The following CDYL2 variants were observed in gnomAD, a reference collection of about 807,000 sequenced individuals.
The protein encoded by CDYL2 is chromodomain Y-like protein 2.
In CDYL2, 23 loss-of-function variants were observed where a neutral mutation model predicts 49.4. The ratio of observed to expected loss-of-function variants is 0.47; its 90% CI spans 0.34 to 0.66. The LOEUF (loss-of-function observed/expected upper bound fraction) is 0.66, where lower values mean the gene tolerates loss of function less well. Ranked by LOEUF, CDYL2 falls within the 30% of genes least tolerant of loss-of-function variation. The pLI is 0.01. For missense variants in CDYL2, 678 were observed against 656.4 expected (o/e 1.03, Z -0.36); for synonymous variants, 360 against 268.8 (o/e 1.34, Z -3.32).
chr16:80,678,392 G>A (rs867407056), intron 2 of CDYL2, among the ~76,000 whole-genome samples: 2,988 of 152,074 alleles, frequency 0.02, 87 homozygotes, highest in African/African-American at 0.065. Context: ...CAGAATCTAC[G>A]ATGAACTCAA....
intron 1 of CDYL2, among the ~76,000 whole-genome samples, chr16:80,762,962 G>A (rs911863729): frequency 4.2e-4 from 64 of 152,142 alleles, no homozygotes; most frequent in Non-Finnish European, 6.8e-4. Flanking sequence ...ATTTAATAAT[G>A]TGTCTTTAAA....
intron 1 of CDYL2, among the ~76,000 whole-genome samples, chr16:80,800,564 C>G (rs550217609): frequency 1.3e-5 from 2 of 151,730 alleles, no homozygotes; most frequent in Non-Finnish European, 2.9e-5. Context: ...AACCACAAAC[C>G]GAAAAGATCC....
intron 1 of CDYL2, among the ~76,000 whole-genome samples, chr16:80,772,680 T>G (rs1416400351): frequency 6.6e-6 from 1 of 152,070 alleles, no homozygotes; most frequent in African/African-American, 2.4e-5. Context: ...CTCAATCTCC[T>G]GACCTCATGA....
chr16:80,645,680 G>T (rs914731289), intron 2 of CDYL2, among the ~76,000 whole-genome samples: 2 of 152,088 alleles, frequency 1.3e-5, no homozygotes, highest in Non-Finnish European at 2.9e-5. Flanking sequence ...AAAGACACAT[G>T]CACACGTATG....
At chr16:80,703,035 C>T (rs557800219) in intron 1 of CDYL2, among the ~76,000 whole-genome samples, 103 of 152,104 alleles carry the variant, frequency 6.8e-4, no homozygotes, top group African/African-American at 2.3e-3. Context: ...AATATATATA[C>T]ACACATGAAT....
At chr16:80,722,684 T>C (rs1905038635) in intron 1 of CDYL2, among the ~76,000 whole-genome samples, 1 of 152,154 alleles carries the variant, frequency 6.6e-6, no homozygotes, top group Non-Finnish European at 1.5e-5. Context: ...ACCAGGCCCT[T>C]TTCAAAACAC....
chr16:80,635,630 C>A (rs927252312), intron 2 of CDYL2, among the ~76,000 whole-genome samples: 2 of 152,080 alleles, frequency 1.3e-5, no homozygotes, highest in African/African-American at 4.8e-5. Context: ...TAAAAATGGC[C>A]CTACTGCTCA....
rs546487136 is a variant in CDYL2, at chr16:80,744,566, C to A, written c.25-59437G>T. On this transcript the variant is annotated intron_variant, in intron 1 of 6. Coordinates refer to ENST00000570137, the MANE Select transcript of CDYL2 (RefSeq NM_152342.4). ...CCATCATTTTATTTAATCCTCCCAA[C>A]AACCTTACAAGAAAATGTCATTGTC... Among the ~76,000 whole-genome samples the A allele has an allele frequency of 1.3e-3, 196 of 152,292 alleles. 4 individuals are homozygous for A. In the South Asian group the frequency reaches 0.018, roughly 14 times the overall value.
chr16:80,680,179 T>C (rs925895131), intron 2 of CDYL2, among the ~76,000 whole-genome samples: 1 of 152,176 alleles, frequency 6.6e-6, no homozygotes. Flanking sequence ...AAATGGCAAA[T>C]GTTGCGTGTG....
intron 2 of CDYL2, among the ~76,000 whole-genome samples, chr16:80,668,283 C>T (rs1045996030): frequency 8.5e-5 from 13 of 152,132 alleles, no homozygotes; most frequent in East Asian, 1.9e-4. Flanking sequence ...AATCTTTACT[C>T]GGATGTCAAC....
At chr16:80,666,839 A>G (rs1909285042) in intron 2 of CDYL2, among the ~76,000 whole-genome samples, 1 of 152,164 alleles carries the variant, frequency 6.6e-6, no homozygotes, top group African/African-American at 2.4e-5. Flanking sequence ...CCTCTCTTTC[A>G]TCTATTCATT....
intron 2 of CDYL2, among the ~76,000 whole-genome samples, chr16:80,651,228 T>G (rs941553485): frequency 6.6e-6 from 1 of 152,186 alleles, no homozygotes; most frequent in African/African-American, 2.4e-5. Flanking sequence ...CATACATTTA[T>G]ATACCTACTA....
At chr16:80,698,208 A>AGTAC (rs1400986231) in intron 1 of CDYL2, among the ~76,000 whole-genome samples, 1 of 152,218 alleles carries the variant, frequency 6.6e-6, no homozygotes, top group Admixed American at 6.5e-5. Context: ...ACAAGATTTC[A>AGTAC]TGGCTAAGAC....
At chr16:80,727,179 G>C (rs925476368) in intron 1 of CDYL2, among the ~76,000 whole-genome samples, 11 of 152,224 alleles carry the variant, frequency 7.2e-5, no homozygotes, top group Admixed American at 7.2e-4. Flanking sequence ...ATTTCCATCT[G>C]AGGTACCGGG....
chr16:80,650,227 G>C (rs780544865), intron 2 of CDYL2, among the ~76,000 whole-genome samples: 25 of 152,124 alleles, frequency 1.6e-4, no homozygotes, highest in Non-Finnish European at 8.8e-5. Context: ...CATCTGACAA[G>C]GGATTAATAA....
At position 80,764,789 on chromosome 16, in the gene CDYL2, G is replaced by A. The variant is rs1057420757; in HGVS notation, c.24+39361C>T. On this transcript the variant is annotated intron_variant, in intron 1 of 6. Coordinates refer to ENST00000570137, the MANE Select transcript of CDYL2 (RefSeq NM_152342.4). ...AGAATTTAGTTCCTCGGCTAGGCGC[G>A]GTGGCTCAAGCCTGTAATCCCAGCA... Among the ~76,000 whole-genome samples, 6 of 152,068 alleles carry A rather than the reference G, an allele frequency of 3.9e-5. No homozygotes were observed. In the South Asian group the frequency reaches 8.3e-4, roughly 21 times the overall value.
chr16:80,639,778 G>T (rs1209233259), intron 2 of CDYL2: 2 of 454,702 alleles, frequency 4.4e-6, no homozygotes, highest in African/African-American at 2.0e-5. Context: ...GCAGTAGTGT[G>T]GTATGGAAAG....
At chr16:80,696,156 A>C (rs746739202) in intron 1 of CDYL2, among the ~76,000 whole-genome samples, 4 of 152,256 alleles carry the variant, frequency 2.6e-5, no homozygotes, top group Non-Finnish European at 4.4e-5. Flanking sequence ...CCAATGAGTC[A>C]GTGAAGAAAT....
At chr16:80,713,506 C>G (rs895179191) in intron 1 of CDYL2, among the ~76,000 whole-genome samples, 3 of 152,170 alleles carry the variant, frequency 2.0e-5, no homozygotes, top group Admixed American at 6.5e-5. Context: ...AAAGGTCCCT[C>G]TGAACCATTG....
Sources: allele counts gnomAD v4.1 joint callset (sites outside exome capture counted in the v4.1 genomes callset), GRCh38; gene constraint gnomAD v4.1.1; transcripts MANE v1.5; gene names NCBI Gene and HGNC (gene_info 2026-07-23, HGNC 2026-07-21).